SENP2: variants seen among roughly 807,000 people sequenced by gnomAD.
The protein encoded by SENP2 is SUMO specific peptidase 2.
Under a neutral mutation model 86.3 loss-of-function variants are expected in SENP2, and 16 were observed. The ratio of observed to expected loss-of-function variants is 0.19; its 90% CI spans 0.13 to 0.28. SENP2 has a LOEUF of 0.28. Among genes scored for constraint, SENP2 ranks in the 10% least tolerant of loss-of-function variants. The pLI is 1.00. For missense variants in SENP2, 552 were observed against 703.0 expected (o/e 0.79, Z 2.43); for synonymous variants, 222 against 238.7 (o/e 0.93, Z 0.64).
intron 10 of SENP2, 87 bp from the exon 11 acceptor site, chr3:185,614,477 G>T: frequency 8.2e-7 from 1 of 1,215,692 alleles, no homozygotes; most frequent in South Asian, 1.5e-5. Flanking sequence ...TTTCACATTA[G>T]TGGCAGTTTT....
Position 185,611,643 on chromosome 3 carries a change from T to C in SENP2, c.723-8T>C. On this transcript the variant is annotated splice_polypyrimidine_tract_variant and splice_region_variant and intron_variant, in intron 7 of 16. Transcript: ENST00000296257. ...TATCTGATCTCCCTCACTTTTTGTG[T>C]TTCTAAGTTCTCAAAGAAGTCAGAT... 1 of 1,603,226 alleles carries C rather than the reference T, an allele frequency of 6.2e-7. No individual in the cohort carries two copies. Among genetic ancestry groups the C allele is most frequent in the Admixed American group, 1.7e-5 (1 of 59,918 alleles).
chr3:185,592,148 A>G (rs1722029970), intron 2 of SENP2, among the ~76,000 whole-genome samples: 2 of 149,018 alleles, frequency 1.3e-5, no homozygotes, highest in African/African-American at 5.0e-5. Flanking sequence ...GCACGATCGT[A>G]GCTCACTGCA....
intron 2 of SENP2, among the ~76,000 whole-genome samples, chr3:185,591,512 C>T (rs1401642717): frequency 2.6e-5 from 4 of 151,080 alleles, no homozygotes; most frequent in South Asian, 2.1e-4. Context: ...CCATCATGCC[C>T]GGCTAATTTT....
intron 2 of SENP2, among the ~76,000 whole-genome samples, chr3:185,595,749 A>C (rs551604239): frequency 6.6e-6 from 1 of 151,806 alleles, no homozygotes; most frequent in Admixed American, 6.6e-5. Flanking sequence ...AAGCACTGAA[A>C]CCTACCCTTT....
rs1022997614 is a variant in SENP2, at chr3:185,607,390, G to A, written c.618+892G>A. 5.6e-5 allele frequency among the ~76,000 whole-genome samples: 8 copies of A among 143,180 alleles called. No homozygotes were observed. The South Asian group carries it at 1.3e-3, about 24-fold the overall frequency. The allele number at this position is 143,180 out of a possible 152,430, so 93.9% of individuals were successfully genotyped here. ...GTTGCCCAGGCTAGAGTGCAATGGC[G>A]CGATCTTGGCTCACTGCAGCCTCCA... On this transcript the variant is annotated intron_variant, in intron 6 of 16. Transcript: ENST00000296257.
chr3:185,618,642 G>T (rs1711713946), intron 12 of SENP2, among the ~76,000 whole-genome samples: 1 of 152,194 alleles, frequency 6.6e-6, no homozygotes, highest in Non-Finnish European at 1.5e-5. Context: ...ACTTTGGAAG[G>T]CTGAGGCGGG....
At chr3:185,596,657 T>G (rs1019466067) in intron 2 of SENP2, among the ~76,000 whole-genome samples, 1 of 151,996 alleles carries the variant, frequency 6.6e-6, no homozygotes, top group African/African-American at 2.4e-5. Flanking sequence ...TATACTTTAC[T>G]TAGCCAAGCT....
At chr3:185,607,288 G>A (rs1409361530) in intron 6 of SENP2, among the ~76,000 whole-genome samples, 22 of 144,200 alleles carry the variant, frequency 1.5e-4, no homozygotes, top group African/African-American at 5.3e-4. Context: ...GAAGAAGAAA[G>A]AGTCATATTA....
rs1489286323 is a variant in SENP2 at position 185,586,716 on chromosome 3, G to T, written c.101+202G>T. Among the ~76,000 whole-genome samples, 1 of 152,246 alleles carries T rather than the reference G, an allele frequency of 6.6e-6. No individual in the cohort carries two copies. On this transcript the variant is annotated intron_variant, in intron 1 of 16. Coordinates refer to ENST00000296257, the MANE Select transcript of SENP2 (RefSeq NM_021627.3). This position sits in a 1 kb window ranked among gnomAD's most constrained non-coding sequence, Gnocchi z 4.3. ...GTCGTCTTCGTAGCGGCCGGTGATG[G>T]CAGGGTCTTTGACATTCTTGTCAGA...
chr3:185,617,648 A>G, intron 12 of SENP2, 37 bp downstream of exon 12: 2 of 1,588,554 alleles, frequency 1.3e-6, no homozygotes, highest in South Asian at 1.1e-5. Context: ...GCTATCATTA[A>G]GTTTATTTAT....
chr3:185,629,281 G>A (rs905665242), intron 16 of SENP2, among the ~76,000 whole-genome samples: 4 of 152,064 alleles, frequency 2.6e-5, no homozygotes, highest in African/African-American at 9.7e-5. Flanking sequence ...ATATAAAAAT[G>A]CTTATGGTAG....
intron 9 of SENP2, 58 bp from the exon 10 acceptor site, chr3:185,613,287 A>T: frequency 1.1e-6 from 1 of 941,308 alleles, no homozygotes; most frequent in Non-Finnish European, 1.7e-6. Flanking sequence ...TAAAACTAGG[A>T]TGTACTAGGT....
intron 6 of SENP2, among the ~76,000 whole-genome samples, chr3:185,607,816 G>A (rs985357090): frequency 5.3e-5 from 8 of 152,276 alleles, no homozygotes; most frequent in Middle Eastern, 3.4e-3. Flanking sequence ...GTGAGCCACC[G>A]CGTCCAGTCA....
intron 11 of SENP2, 125 bp from the exon 12 acceptor site, chr3:185,617,355 T>A (rs1711659870): frequency 3.1e-6 from 2 of 638,512 alleles, no homozygotes; most frequent in South Asian, 5.4e-5. Context: ...AGGTCTTTGA[T>A]AGTATATTTT....
At chr3:185,611,041 C>T (rs906816363) in intron 7 of SENP2, among the ~76,000 whole-genome samples, 8 of 152,062 alleles carry the variant, frequency 5.3e-5, no homozygotes, top group East Asian at 1.9e-4. Context: ...TTTGGGAGGC[C>T]GAGGCAGGTG....
Position 185,600,829 on chromosome 3 carries a change from G to A in SENP2, c.423G>A (p.Gln141=). The change falls in exon 5 of 17, where the codon CAG becomes CAA. Residue 141 remains glutamine (Q), a synonymous_variant. Transcript: ENST00000296257. The part of the protein sequence containing the change: ...PKIRVTVTRD[Q]PRRVLPSFGF... The stretch of plus-strand genomic sequence containing the variant: ...TCAGAGTGACAGTTACCCGAGATCA[G>A]CCACGCAGAGTCCTGCCTTCCTTTG... The A allele has an allele frequency of 6.2e-7, 1 of 1,611,830 alleles. No homozygotes were observed. The highest frequency in any genetic ancestry group is 2.2e-5 in the East Asian group (1 of 44,864).
rs1327722760 is a variant in SENP2 at position 185,621,371 on chromosome 3, GTTTTTCTTT to G, written c.1447-440_1447-432del. On this transcript the variant is annotated intron_variant, in intron 13 of 16. Transcript: ENST00000296257. ...ACATGTACCAATATAAGTGGATATC[GTTTTTCTTT>G]TTTTTCTTTTTTTTTTTTTTTTTTT... Among the ~76,000 whole-genome samples, 535 of 123,850 alleles carry G rather than the reference GTTTTTCTTT, an allele frequency of 4.3e-3. 3 individuals carry two copies. The highest frequency in any genetic ancestry group is 7.8e-3 in the Non-Finnish European group (456 of 58,468). The allele number at this position is 123,850 out of a possible 152,430, so 81.3% of individuals were successfully genotyped here.
intron 7 of SENP2, 155 bp from the exon 8 acceptor site, chr3:185,611,496 C>A: frequency 1.9e-6 from 1 of 529,216 alleles, no homozygotes; most frequent in Non-Finnish European, 3.4e-6. Context: ...CTCCTTTTAT[C>A]CTAGTCCCAC....
intron 6 of SENP2, 48 bp from the exon 7 acceptor site, chr3:185,609,199 A>G (rs1722607016): frequency 7.5e-7 from 1 of 1,339,482 alleles, no homozygotes; most frequent in African/African-American, 1.5e-5. Flanking sequence ...CCTTTTAATT[A>G]TAAATTTAAT....
Sources: gnomAD v4.1 joint callset for allele counts (sites outside exome capture counted in the v4.1 genomes callset) on GRCh38, gnomAD v4.1.1 for gene constraint, Gnocchi (gnomAD v3.1) non-coding constraint, MANE v1.5 for transcripts, NCBI Gene and HGNC (gene_info 2026-07-23, HGNC 2026-07-21) for gene names.